KIAA1217: variants seen among roughly 807,000 people sequenced by gnomAD.
The protein encoded by KIAA1217 is sickle tail protein homolog.
Under a neutral mutation model 163.9 loss-of-function variants are expected in KIAA1217, and 88 were observed. That is an observed-to-expected ratio of 0.54 (90% confidence interval 0.45 to 0.64). The LOEUF (loss-of-function observed/expected upper bound fraction) is 0.64. KIAA1217 is among the 30% of genes least tolerant of loss of function. The pLI is 0.00. For synonymous variants in KIAA1217, 903 were observed against 923.1 expected (o/e 0.98, Z 0.39); for missense variants, 2,372 against 2,475.0 (o/e 0.96, Z 0.88).
upstream of KIAA1217, among the ~76,000 whole-genome samples, chr10:24,207,160 G>A (rs1322742500): frequency 6.6e-6 from 1 of 152,078 alleles, no homozygotes; most frequent in Non-Finnish European, 1.5e-5. Flanking sequence ...ATGACAGGTA[G>A]GAGCTGTTAA....
At chr10:24,283,480 A>C (rs2078196206) in intron 2 of KIAA1217, among the ~76,000 whole-genome samples, 1 of 152,160 alleles carries the variant, frequency 6.6e-6, no homozygotes. Context: ...CAGCCTGGTC[A>C]ACATGGCAAA....
chr10:23,796,947 G>A (rs906462959), intron 1 of KIAA1217, among the ~76,000 whole-genome samples: 2 of 152,018 alleles, frequency 1.3e-5, no homozygotes, highest in African/African-American at 4.8e-5. Flanking sequence ...CAATCTCCTG[G>A]GCTCAAGTGA....
chr10:23,717,873 T>C (rs1837663243), intron 1 of KIAA1217, among the ~76,000 whole-genome samples: 1 of 152,198 alleles, frequency 6.6e-6, no homozygotes, highest in Non-Finnish European at 1.5e-5. Flanking sequence ...GTTCAGTTCA[T>C]CTAACAATGA....
chr10:23,919,815 C>T, intron 1 of KIAA1217, among the ~76,000 whole-genome samples: 1 of 152,086 alleles, frequency 6.6e-6, no homozygotes, highest in Non-Finnish European at 1.5e-5. Flanking sequence ...TCTAGAGGAG[C>T]CTCTTCAACT....
chr10:23,735,591 T>A (rs1421472028), intron 1 of KIAA1217, among the ~76,000 whole-genome samples: 1 of 152,132 alleles, frequency 6.6e-6, no homozygotes, highest in African/African-American at 2.4e-5. Context: ...GTCCCTTATC[T>A]GTGAAATGCC....
intron 1 of KIAA1217, among the ~76,000 whole-genome samples, chr10:23,703,353 C>T (rs1836617065): frequency 6.6e-6 from 1 of 152,184 alleles, no homozygotes; most frequent in Non-Finnish European, 1.5e-5. Flanking sequence ...ACTTCCTGAT[C>T]TGCACCTAGC....
At chr10:23,875,708 A>G (rs1431631564) in intron 1 of KIAA1217, among the ~76,000 whole-genome samples, 1 of 152,010 alleles carries the variant, frequency 6.6e-6, no homozygotes, top group East Asian at 1.9e-4. Flanking sequence ...CAAATGTCCA[A>G]CAATGATAGA....
At chr10:24,492,609 A>C (rs2066289674) in intron 6 of KIAA1217, among the ~76,000 whole-genome samples, 1 of 152,166 alleles carries the variant, frequency 6.6e-6, no homozygotes, top group Admixed American at 6.6e-5. Context: ...ATTGTGACAG[A>C]CCTTCAATTT....
At chr10:23,987,055 T>C (rs1481616679) in intron 1 of KIAA1217, among the ~76,000 whole-genome samples, 2 of 152,092 alleles carry the variant, frequency 1.3e-5, no homozygotes, top group African/African-American at 4.8e-5. Context: ...CCATCATCTG[T>C]TATGCCAGAT....
chr10:24,047,433 G>T (rs1187844457), intron 2 of KIAA1217, among the ~76,000 whole-genome samples: 1 of 152,196 alleles, frequency 6.6e-6, no homozygotes. Context: ...TTTATGGGGA[G>T]AAGTAGTGGT....
At chr10:23,919,205 G>C (rs1482910909) in intron 1 of KIAA1217, among the ~76,000 whole-genome samples, 1 of 152,056 alleles carries the variant, frequency 6.6e-6, no homozygotes. Flanking sequence ...CAAATGTCAA[G>C]TGTTAGGTGT....
chr10:23,913,219 ACTGCAG>A (rs201549801), intron 1 of KIAA1217, among the ~76,000 whole-genome samples: 2,292 of 152,230 alleles, frequency 0.015, 64 homozygotes, highest in African/African-American at 0.049. Context: ...AGCCTCCCAG[ACTGCAG>A]GGCACAGGCA....
At chr10:24,265,609 G>A (rs2076158764) in intron 2 of KIAA1217, among the ~76,000 whole-genome samples, 1 of 152,026 alleles carries the variant, frequency 6.6e-6, no homozygotes, top group African/African-American at 2.4e-5. Context: ...CTCTCTTAAT[G>A]TCTTTGTCTC....
chr10:24,227,693 C>T (rs1023031653), intron 2 of KIAA1217, among the ~76,000 whole-genome samples: 3 of 151,882 alleles, frequency 2.0e-5, no homozygotes, highest in Non-Finnish European at 4.4e-5. Context: ...CCACCATGCC[C>T]GGCTAATTTT....
chr10:24,484,241 A>ATATATATATTTTTT (rs1376083298), intron 6 of KIAA1217, among the ~76,000 whole-genome samples: 6 of 75,140 alleles, frequency 8.0e-5, no homozygotes, highest in Admixed American at 3.7e-4. Context: ...ATATATATAT[A>ATATATATATTTTTT]TTTTTTTTTT....
At chr10:23,858,257 C>G (rs1019349399) in intron 1 of KIAA1217, among the ~76,000 whole-genome samples, 18 of 152,194 alleles carry the variant, frequency 1.2e-4, no homozygotes, top group African/African-American at 4.3e-4. Flanking sequence ...TCAATTTAGC[C>G]TGAGAATGTG....
At chr10:24,219,069 G>A (rs1190230375) in intron 1 of KIAA1217, among the ~76,000 whole-genome samples, 1 of 152,046 alleles carries the variant, frequency 6.6e-6, no homozygotes, top group African/African-American at 2.4e-5. Flanking sequence ...TAACCCTATT[G>A]CCTGCACACA....
At chr10:24,036,449 T>C (rs1056161077) in intron 2 of KIAA1217, among the ~76,000 whole-genome samples, 1 of 152,208 alleles carries the variant, frequency 6.6e-6, no homozygotes, top group African/African-American at 2.4e-5. Flanking sequence ...GAAAAAGTCA[T>C]GGCAGCTGCA....
At chr10:24,323,638 C>T (rs956543431) in intron 2 of KIAA1217, among the ~76,000 whole-genome samples, 5 of 152,120 alleles carry the variant, frequency 3.3e-5, no homozygotes, top group Admixed American at 6.5e-5. Context: ...ACTAGTATTC[C>T]ACCTGCTTTG....
Sources: gnomAD v4.1 joint callset for allele counts (sites outside exome capture counted in the v4.1 genomes callset) on GRCh38, gnomAD v4.1.1 for gene constraint, MANE v1.5 for transcripts, NCBI Gene and HGNC (gene_info 2026-07-23, HGNC 2026-07-21) for gene names.